The following DZIP1 variants were observed in gnomAD, a reference collection of about 807,000 sequenced individuals.
DZIP1 encodes the protein cilium assembly protein DZIP1.
In DZIP1, 97 loss-of-function variants were observed where a neutral mutation model predicts 107.6. That is an observed-to-expected ratio of 0.90 (90% confidence interval 0.77 to 1.07). The LOEUF (loss-of-function observed/expected upper bound fraction) is 1.07, where lower values mean the gene tolerates loss of function less well. DZIP1 is among the 50% of genes least tolerant of loss of function. DZIP1 has a pLI of 0.00. For synonymous variants in DZIP1, 390 were observed against 386.4 expected, an observed-to-expected ratio of 1.01 and a Z score of -0.11; for missense variants, 1,035 against 1,063.6, an observed-to-expected ratio of 0.97 and a Z score of 0.37.
At chr13:95,638,135 G>A (rs1878048928) in intron 5 of DZIP1, among the ~76,000 whole-genome samples, 1 of 141,262 alleles carries the variant, frequency 7.1e-6, no homozygotes, top group Non-Finnish European at 1.5e-5. Context: ...TGTCACCCAG[G>A]ATGGAGAGCA....
chr13:95,643,947 A>T (rs1878814187), intron 1 of DZIP1, among the ~76,000 whole-genome samples: 1 of 152,074 alleles, frequency 6.6e-6, no homozygotes, highest in Non-Finnish European at 1.5e-5. Flanking sequence ...TGCGGGCCCG[A>T]GGTACCCATC....
chr13:95,634,463 G>T (rs1877565491), intron 5 of DZIP1, among the ~76,000 whole-genome samples: 1 of 152,128 alleles, frequency 6.6e-6, no homozygotes, highest in Non-Finnish European at 1.5e-5. Flanking sequence ...AGGGCCTCTA[G>T]CTTTCTCCCC....
chr13:95,613,769 A>G (rs2139152458), intron 10 of DZIP1, among the ~76,000 whole-genome samples: 1 of 152,330 alleles, frequency 6.6e-6, no homozygotes, highest in African/African-American at 2.4e-5. Context: ...TCGTACAGAT[A>G]GGAAAACTCA....
At chr13:95,593,449 A>G (rs2138864505) in intron 16 of DZIP1, among the ~76,000 whole-genome samples, 1 of 152,348 alleles carries the variant, frequency 6.6e-6, no homozygotes, top group Middle Eastern at 3.4e-3. Flanking sequence ...TAAAACTATA[A>G]AAAGCAAAAA....
At position 95,641,940 on chromosome 13, in the gene DZIP1, G is replaced by T. The variant is rs746842996; in HGVS notation, c.36+54C>A. On this transcript the variant is annotated intron_variant, in intron 4 of 22. Coordinates refer to ENST00000376829, the MANE Select transcript of DZIP1 (RefSeq NM_198968.4). This position sits in a 1 kb window ranked among gnomAD's most constrained non-coding sequence, Gnocchi z 4.3. ...GAGCTGGGGGTCCGGGGAAGCCCCG[G>T]TTCTCCCCAGCCCGGCATCCCCGTC... is the stretch of plus-strand genomic sequence containing the variant. 2.3e-5 allele frequency: 35 copies of T among 1,526,182 alleles called. No individual in the cohort carries two copies. The highest frequency in any genetic ancestry group is 3.0e-5 in the Non-Finnish European group (34 of 1,145,330). The allele number at this position is 1,526,182 out of a possible 1,614,324, so 94.5% of individuals were successfully genotyped here. A position where few individuals can be genotyped will look rare whatever the true frequency, so the allele number is the denominator to read the frequency against.
intron 13 of DZIP1, 96 bp from the exon 14 acceptor site, chr13:95,606,155 G>T: frequency 1.9e-6 from 2 of 1,067,154 alleles, no homozygotes; most frequent in Non-Finnish European, 1.4e-6. Context: ...AACTAGTCAA[G>T]ATACATACAG....
At chr13:95,619,247 A>G (rs1357184733) in intron 10 of DZIP1, among the ~76,000 whole-genome samples, 1 of 152,248 alleles carries the variant, frequency 6.6e-6, no homozygotes, top group African/African-American at 2.4e-5. Flanking sequence ...ACAAACCTAC[A>G]AAACATAATT....
At chr13:95,599,514 C>G (rs1400064842) in intron 14 of DZIP1, 90 bp from the exon 15 acceptor site, 16 of 1,191,008 alleles carry the variant, frequency 1.3e-5, no homozygotes, top group Non-Finnish European at 1.9e-5. Context: ...AGATATCATT[C>G]CATGGTATTT....
At chr13:95,584,948 G>GA (rs2044122357) in intron 21 of DZIP1, 38 bp from the exon 22 acceptor site, 7 of 1,552,192 alleles carry the variant, frequency 4.5e-6, no homozygotes, top group Non-Finnish European at 6.1e-6. Flanking sequence ...ATGTTGCTTA[G>GA]AAAAAAATGG....
chr13:95,613,198 A>T (rs1249580541), intron 10 of DZIP1, among the ~76,000 whole-genome samples: 6 of 152,206 alleles, frequency 3.9e-5, no homozygotes, highest in Non-Finnish European at 5.9e-5. Flanking sequence ...TAAACACAGA[A>T]GGCTAAAAAG....
At chr13:95,590,209 G>A in intron 17 of DZIP1, 70 bp downstream of exon 17, 4 of 1,361,766 alleles carry the variant, frequency 2.9e-6, no homozygotes, top group Admixed American at 4.7e-5. Context: ...GATATCTTGT[G>A]GTGAAAAAAG....
intron 13 of DZIP1, among the ~76,000 whole-genome samples, chr13:95,606,601 C>T (rs1254715656): frequency 6.6e-6 from 1 of 152,162 alleles, no homozygotes; most frequent in Non-Finnish European, 1.5e-5. Context: ...AAATAACATT[C>T]TGTGTTATAA....
chr13:95,590,035 C>T, intron 17 of DZIP1, 103 bp from the exon 18 acceptor site: 1 of 1,408,462 alleles, frequency 7.1e-7, no homozygotes, highest in Non-Finnish European at 9.5e-7. Context: ...TGGCAATGAA[C>T]AATCCCATCT....
At chr13:95,599,510 C>T (rs2044552183) in intron 14 of DZIP1, 86 bp from the exon 15 acceptor site, 2 of 1,214,538 alleles carry the variant, frequency 1.6e-6, no homozygotes, top group Non-Finnish European at 2.4e-6. Context: ...TGAAAGATAT[C>T]ATTCCATGGT....
At chr13:95,639,545 C>T (rs924754855) in intron 5 of DZIP1, among the ~76,000 whole-genome samples, 17 of 148,374 alleles carry the variant, frequency 1.1e-4, no homozygotes, top group African/African-American at 3.7e-4. Flanking sequence ...GAGCCAAGAC[C>T]GCACCCCTGC....
chr13:95,627,927 A>C (rs1462324988), intron 7 of DZIP1, among the ~76,000 whole-genome samples: 4 of 152,218 alleles, frequency 2.6e-5, no homozygotes, highest in African/African-American at 9.6e-5. Context: ...TTGTCTATGC[A>C]TACCTACATA....
intron 17 of DZIP1, 144 bp from the exon 18 acceptor site, chr13:95,590,076 T>C: frequency 8.1e-7 from 1 of 1,236,662 alleles, no homozygotes; most frequent in Non-Finnish European, 1.1e-6. Context: ...CTAGGGTTGT[T>C]GTTTTGTTTT....
chr13:95,596,243 C>G (rs2044454803), intron 15 of DZIP1, among the ~76,000 whole-genome samples: 1 of 152,048 alleles, frequency 6.6e-6, no homozygotes, highest in South Asian at 2.1e-4. Context: ...CTCACCAAGA[C>G]CAAGACAAAA....
intron 14 of DZIP1, among the ~76,000 whole-genome samples, chr13:95,600,384 G>A (rs2044577348): frequency 6.6e-6 from 1 of 152,166 alleles, no homozygotes; most frequent in Non-Finnish European, 1.5e-5. Context: ...AGACCTGGGA[G>A]TGGGTGATGA....
Sources: gnomAD v4.1 joint callset for allele counts (sites outside exome capture counted in the v4.1 genomes callset) on GRCh38, gnomAD v4.1.1 for gene constraint, Gnocchi (gnomAD v3.1) non-coding constraint, MANE v1.5 for transcripts, NCBI Gene and HGNC (gene_info 2026-07-23, HGNC 2026-07-21) for gene names.